The following SOCS2 variants were observed in gnomAD, a reference collection of about 807,000 sequenced individuals.
SOCS2 encodes the protein CIS-2.
A neutral mutation model predicts 18.6 loss-of-function variants in SOCS2; 10 were observed. The ratio of observed to expected loss-of-function variants is 0.54; its 90% CI spans 0.33 to 0.91. The LOEUF (loss-of-function observed/expected upper bound fraction) is 0.91. SOCS2 is among the 40% of genes least tolerant of loss of function. The pLI is 0.02. For missense variants in SOCS2, 231 were observed against 247.2 expected (o/e 0.93, Z 0.44); for synonymous variants, 104 against 104.0 (o/e 1.00, Z 0.00).
chr12:93,625,328 G>A, the SOCS2 span, among the ~76,000 whole-genome samples: 1 of 152,172 alleles, frequency 6.6e-6, no homozygotes, highest in African/African-American at 2.4e-5. Context: ...CTCAGTGCAT[G>A]TCTTCACTTG....
chr12:93,587,887 T>C (rs560610904), downstream of SOCS2, among the ~76,000 whole-genome samples: 1 of 152,312 alleles, frequency 6.6e-6, no homozygotes, highest in East Asian at 1.9e-4. Context: ...GGGCTTTGCC[T>C]GCCTCTCAAA....
intron 1 of SOCS2, chr12:93,574,513 G>GC: frequency 4.7e-6 from 2 of 425,766 alleles, no homozygotes; most frequent in Non-Finnish European, 8.2e-6. Flanking sequence ...CTGGCTCGCC[G>GC]TTTGTGTTCA....
chr12:93,592,435 C>T, the SOCS2 span, among the ~76,000 whole-genome samples: 13 of 152,174 alleles, frequency 8.5e-5, no homozygotes, highest in East Asian at 1.9e-4. Context: ...TTACAAACAA[C>T]GGTGCGGTAC....
chr12:93,608,872 G>A, the SOCS2 span, among the ~76,000 whole-genome samples: 1 of 152,154 alleles, frequency 6.6e-6, no homozygotes, highest in Non-Finnish European at 1.5e-5. Context: ...CTTAATTGGT[G>A]TTCCTTTAAG....
At chr12:93,614,760 G>A in the SOCS2 span, among the ~76,000 whole-genome samples, 2,681 of 150,344 alleles carry the variant, frequency 0.018, 88 homozygotes, top group African/African-American at 0.057. Context: ...CATTACAGGC[G>A]CCTGCCACCA....
At chr12:93,580,618 CAAAAAAA>C (rs35305411), downstream of SOCS2, among the ~76,000 whole-genome samples, 3 of 73,136 alleles carry the variant, frequency 4.1e-5, no homozygotes, top group Non-Finnish European at 5.6e-5. Context: ...GAGACTGTCT[CAAAAAAA>C]AAAAAAAAAA....
the SOCS2 span, among the ~76,000 whole-genome samples, chr12:93,606,462 T>C: frequency 1.8e-4 from 27 of 151,918 alleles, no homozygotes; most frequent in African/African-American, 4.8e-4. Context: ...GTGGCTTTAT[T>C]TTTGTTCCTT....
the SOCS2 span, among the ~76,000 whole-genome samples, chr12:93,601,108 C>CTCT: frequency 9.8e-4 from 138 of 140,660 alleles, 1 homozygote; most frequent in African/African-American, 2.9e-3. Context: ...CTCTCTCTCT[C>CTCT]TTTTTTTTTT....
downstream of SOCS2, among the ~76,000 whole-genome samples, chr12:93,585,081 T>C (rs1954576032): frequency 6.6e-6 from 1 of 152,070 alleles, no homozygotes; most frequent in African/African-American, 2.4e-5. Flanking sequence ...CTTCTTTTAA[T>C]CTCCTTTAGG....
chr12:93,587,568 C>G (rs1198946270), downstream of SOCS2, among the ~76,000 whole-genome samples: 2 of 151,676 alleles, frequency 1.3e-5, no homozygotes, highest in Admixed American at 1.3e-4. Flanking sequence ...GTAGTCCCAG[C>G]TACTTGGGAG....
At position 93,576,736 on chromosome 12, in the gene SOCS2, G is replaced by C. The variant is rs1954471642; in HGVS notation, c.*1557G>C. 1 of 152,164 alleles carries C rather than the reference G, an allele frequency of 6.6e-6. No individual in the cohort carries two copies. Among genetic ancestry groups the C allele is most frequent in the African/African-American group, 2.4e-5 (1 of 41,420 alleles). 9.4% of individuals were successfully genotyped at this position (152,164 alleles called of 1,614,324 possible). A position where few individuals can be genotyped will look rare whatever the true frequency, so the allele number is the denominator to read the frequency against. Reference sequence around the variant, plus strand: ...TCAGTTATAAATTGTAATAAAACCTGCTTACTGGATATCTTACCTTATTTT... The same window carrying C: ...TCAGTTATAAATTGTAATAAAACCTCCTTACTGGATATCTTACCTTATTTT... On this transcript the variant is annotated 3_prime_UTR_variant, in exon 2 of 2. Transcript: ENST00000551556.
At chr12:93,614,607 CTTTCTTTCT>C in the SOCS2 span, among the ~76,000 whole-genome samples, 60 of 107,758 alleles carry the variant, frequency 5.6e-4, 3 homozygotes, top group African/African-American at 2.3e-3. Context: ...TTCTTTCTTT[CTTTCTTTCT>C]TTCTTTCTTT....
Position 93,574,891 on chromosome 12 carries a change from A to T in SOCS2, c.309A>T (p.Lys103Asn). The T allele has an allele frequency of 6.2e-7, 1 of 1,614,216 alleles. No individual in the cohort carries two copies. The highest frequency in any genetic ancestry group is 1.7e-5 in the Admixed American group (1 of 60,024). ...TTCGAATCGAATACCAAGACGGAAA[A>T]TTCAGATTGGACTCTATCATATGTG... is the stretch of plus-strand genomic sequence containing the variant. ...TNLRIEYQDG[K>N]FRLDSIICVK... Residue 103 changes from lysine (K) to asparagine (N), a missense_variant, in exon 2 of 2, where the codon AAA (lysine) becomes AAT (asparagine). By Grantham distance (94) the Lys-to-Asn change is moderately conservative. Transcript: ENST00000551556.
At chr12:93,611,061 C>T in the SOCS2 span, among the ~76,000 whole-genome samples, 2,309 of 152,176 alleles carry the variant, frequency 0.015, 72 homozygotes, top group African/African-American at 0.053. Flanking sequence ...TATAAATCTT[C>T]AAGGAGGTGT....
At chr12:93,624,224 A>G in the SOCS2 span, among the ~76,000 whole-genome samples, 3 of 152,198 alleles carry the variant, frequency 2.0e-5, no homozygotes, top group Admixed American at 6.5e-5. Flanking sequence ...CCCTCACCAG[A>G]CACGAAACCT....
At chr12:93,612,685 A>C in the SOCS2 span, among the ~76,000 whole-genome samples, 1 of 152,190 alleles carries the variant, frequency 6.6e-6, no homozygotes, top group Middle Eastern at 3.2e-3. Flanking sequence ...GTATATTCTC[A>C]GTCTATCATA....
chr12:93,574,626 C>G, intron 1 of SOCS2, 96 bp from the exon 2 acceptor site: 1 of 788,924 alleles, frequency 1.3e-6, no homozygotes, highest in Non-Finnish European at 1.8e-6. Flanking sequence ...TTTTTTAGAG[C>G]TAAAAAAATT....
intron 1 of SOCS2, 145 bp from the exon 2 acceptor site, chr12:93,574,577 C>CT (rs148353066): frequency 0.25 from 127,715 of 510,468 alleles, 17,972 homozygotes; most frequent in East Asian, 0.46. Context: ...TGTGGTGGCC[C>CT]GGTAAACTTT....
chr12:93,572,863 C>A lies in SOCS2; in HGVS notation c.-35C>A. On this transcript the variant is annotated 5_prime_UTR_variant, in exon 1 of 2. Coordinates refer to ENST00000551556, the MANE Select transcript of SOCS2 (RefSeq NM_001270471.2). The surrounding 1 kb of genome is among the most constrained non-coding windows in gnomAD (Gnocchi z 5.0). ...AACCCTTCTCTGACCCCAGCTCGGGCGGCCACCTGTCTTTGCCGCGGTGAC... is the reference window on the plus strand; with the variant it reads ...AACCCTTCTCTGACCCCAGCTCGGGAGGCCACCTGTCTTTGCCGCGGTGAC... 6.4e-7 allele frequency: 1 copy of A among 1,559,568 alleles called. No homozygotes were observed. Among genetic ancestry groups the A allele is most frequent in the Non-Finnish European group, 8.7e-7 (1 of 1,151,258 alleles).
Sources: gnomAD v4.1 joint callset for allele counts (sites outside exome capture counted in the v4.1 genomes callset) on GRCh38, gnomAD v4.1.1 for gene constraint, Gnocchi (gnomAD v3.1) non-coding constraint, MANE v1.5 for transcripts, NCBI Gene and HGNC (gene_info 2026-07-23, HGNC 2026-07-21) for gene names.